ERN1: variants seen among roughly 807,000 people sequenced by gnomAD.
ERN1 encodes endoplasmic reticulum to nucleus signaling 1.
In ERN1, 39 loss-of-function variants were observed where a neutral mutation model predicts 113.1. That is an observed-to-expected ratio of 0.34 (90% CI 0.27 to 0.45). The LOEUF is 0.45. ERN1 is among the 20% of genes least tolerant of loss of function. ERN1 has a pLI of 1.00. For missense variants in ERN1, 976 were observed against 1,274.8 expected, an observed-to-expected ratio of 0.77 and a Z score of 3.57; for synonymous variants, 507 against 515.9, an observed-to-expected ratio of 0.98 and a Z score of 0.23.
intron 11 of ERN1, among the ~76,000 whole-genome samples, chr17:64,058,826 GTTC>G (rs945954377): frequency 2.4e-4 from 37 of 152,014 alleles, no homozygotes; most frequent in African/African-American, 8.7e-4. Context: ...TGCCTAGAAT[GTTC>G]TTCTCTCCCC....
At chr17:64,062,993 G>A (rs754973664) in intron 10 of ERN1, among the ~76,000 whole-genome samples, 111 of 152,212 alleles carry the variant, frequency 7.3e-4, no homozygotes, top group Non-Finnish European at 9.3e-4. Context: ...CACCTACACC[G>A]CACTGCCTGG....
Position 64,039,285 on chromosome 17 carries a change from C to T in ERN1, c.*4703G>A, listed in dbSNP as rs979871653. The stretch of plus-strand genomic sequence containing the variant: ...CATGTCTTCAAGCTTTAAAAATGCA[C>T]ATAAAAGTTGTACAATCTGGCAGTT... On this transcript the variant is annotated 3_prime_UTR_variant, in exon 22 of 22. Coordinates refer to ENST00000433197, the MANE Select transcript of ERN1 (RefSeq NM_001433.5). 1 of 152,104 alleles carries T rather than the reference C, an allele frequency of 6.6e-6. No individual in the cohort carries two copies. Among genetic ancestry groups the T allele is most frequent in the African/African-American group, 2.4e-5 (1 of 41,398 alleles). The allele number at this position is 152,104 out of a possible 1,614,324, so 9.4% of individuals were successfully genotyped here. A position where few individuals can be genotyped will look rare whatever the true frequency, so the allele number is the denominator to read the frequency against.
intron 20 of ERN1, 35 bp downstream of exon 20, chr17:64,045,324 G>A: frequency 6.2e-7 from 1 of 1,612,578 alleles, no homozygotes. Flanking sequence ...AGCGACTTTT[G>A]CAACCTGCCC....
chr17:64,110,037 AG>A (rs1914632738), intron 1 of ERN1, among the ~76,000 whole-genome samples: 1 of 152,148 alleles, frequency 6.6e-6, no homozygotes, highest in African/African-American at 2.4e-5. Context: ...CAAATTATAC[AG>A]GGAGGGGTCT....
At chr17:64,079,589 A>C in intron 4 of ERN1, 73 bp downstream of exon 4, 1 of 1,212,608 alleles carries the variant, frequency 8.2e-7, no homozygotes, top group Non-Finnish European at 1.2e-6. Context: ...ACACAGTAAG[A>C]CACTGTGCAG....
chr17:64,065,106 T>C (rs1913176781), intron 9 of ERN1, 103 bp downstream of exon 9: 2 of 719,484 alleles, frequency 2.8e-6, no homozygotes, highest in Non-Finnish European at 4.5e-6. Context: ...GATTTGTGTT[T>C]TTCATTCTTA....
chr17:64,042,226 C>G lies in ERN1; in HGVS notation c.*1762G>C, dbSNP rs1217584725. ...GGCCACGTTTCTGAACAACGCACAGCCTTGCTTAGAAGACGCCAAGGACAC... is the reference window on the plus strand; with the variant it reads ...GGCCACGTTTCTGAACAACGCACAGGCTTGCTTAGAAGACGCCAAGGACAC... On this transcript the variant is annotated 3_prime_UTR_variant, in exon 22 of 22. Transcript: ENST00000433197. The G allele has an allele frequency of 1.3e-5, 2 of 152,300 alleles. No homozygotes were observed. The highest frequency in any genetic ancestry group is 2.9e-5 in the Non-Finnish European group (2 of 68,108). 9.4% of individuals were successfully genotyped at this position (152,300 alleles called of 1,614,324 possible). A position where few individuals can be genotyped will look rare whatever the true frequency, so the allele number is the denominator to read the frequency against.
intron 2 of ERN1, among the ~76,000 whole-genome samples, chr17:64,092,097 C>A (rs954719634): frequency 6.6e-6 from 1 of 151,874 alleles, no homozygotes; most frequent in Non-Finnish European, 1.5e-5. Flanking sequence ...GGCTAAGGTG[C>A]GGGGGGCATG....
chr17:64,109,715 G>T (rs1914623635), intron 1 of ERN1, among the ~76,000 whole-genome samples: 1 of 152,180 alleles, frequency 6.6e-6, no homozygotes. Context: ...AGAAATCAAG[G>T]CTCAGAGAGG....
At chr17:64,045,189 AACAC>A (rs1429459131) in intron 20 of ERN1, among the ~76,000 whole-genome samples, 166 bp downstream of exon 20, 1 of 152,088 alleles carries the variant, frequency 6.6e-6, no homozygotes, top group Non-Finnish European at 1.5e-5. Context: ...ACAAAAATGA[AACAC>A]ACATCAGTGT....
chr17:64,111,048 C>T (rs376291303), intron 1 of ERN1, among the ~76,000 whole-genome samples: 8 of 152,096 alleles, frequency 5.3e-5, no homozygotes, highest in Admixed American at 2.0e-4. Context: ...AAAGAGGAGG[C>T]CTTTCCAGAC....
At chr17:64,121,299 G>A (rs1914948266) in intron 1 of ERN1, among the ~76,000 whole-genome samples, 1 of 152,186 alleles carries the variant, frequency 6.6e-6, no homozygotes, top group African/African-American at 2.4e-5. Context: ...ATCTTTTCAG[G>A]ACTTCTTGGT....
At chr17:64,053,236 C>A in intron 16 of ERN1, 36 bp downstream of exon 16, 1 of 1,533,832 alleles carries the variant, frequency 6.5e-7, no homozygotes, top group Non-Finnish European at 8.8e-7. Context: ...ATTCTCCCCA[C>A]CCGGGCCGCT....
Position 64,041,362 on chromosome 17 carries a change from A to C in ERN1, c.*2626T>G, listed in dbSNP as rs1431800541. ...CTCAACAGCCTTCCAGGATTGGAGA[A>C]GTCCCATAACCTGAACTACAGACCA... On this transcript the variant is annotated 3_prime_UTR_variant, in exon 22 of 22. Transcript: ENST00000433197. The C allele has an allele frequency of 6.6e-6, 1 of 152,272 alleles. No individual in the cohort carries two copies. Among genetic ancestry groups the C allele is most frequent in the African/African-American group, 2.4e-5 (1 of 41,458 alleles). 9.4% of individuals were successfully genotyped at this position (152,272 alleles called of 1,614,324 possible). A position where few individuals can be genotyped will look rare whatever the true frequency, so the allele number is the denominator to read the frequency against.
chr17:64,099,689 A>G (rs1042445454), intron 1 of ERN1, among the ~76,000 whole-genome samples: 1 of 152,086 alleles, frequency 6.6e-6, no homozygotes, highest in Non-Finnish European at 1.5e-5. Context: ...TACTCTCGGT[A>G]AGAGCCAGGA....
At chr17:64,100,458 G>C (rs1346591188) in intron 1 of ERN1, among the ~76,000 whole-genome samples, 1 of 152,198 alleles carries the variant, frequency 6.6e-6, no homozygotes, top group Admixed American at 6.5e-5. Flanking sequence ...AAGAAAGTGA[G>C]TTAAACTCTG....
intron 12 of ERN1, among the ~76,000 whole-genome samples, chr17:64,057,023 G>C (rs1226524260): frequency 6.6e-6 from 1 of 152,174 alleles, no homozygotes; most frequent in African/African-American, 2.4e-5. Context: ...CCCATGGCCT[G>C]TTCTGCTACA....
intron 1 of ERN1, among the ~76,000 whole-genome samples, chr17:64,121,925 A>G (rs1175191111): frequency 6.6e-6 from 1 of 152,208 alleles, no homozygotes; most frequent in South Asian, 2.1e-4. Flanking sequence ...CAACTGCAAC[A>G]AAGGGTAGAA....
At position 64,063,922 on chromosome 17, in the gene ERN1, G is replaced by A. The variant is rs1287841192; in HGVS notation, c.1087+64C>T. The A allele has an allele frequency of 4.1e-5, 62 of 1,519,404 alleles. No homozygotes were observed. The highest frequency in any genetic ancestry group is 8.2e-5 in the African/African-American group (6 of 73,198). The allele number at this position is 1,519,404 out of a possible 1,614,324, so 94.1% of individuals were successfully genotyped here. On this transcript the variant is annotated intron_variant, in intron 10 of 21. Coordinates refer to ENST00000433197, the MANE Select transcript of ERN1 (RefSeq NM_001433.5). This position sits in a 1 kb window ranked among gnomAD's most constrained non-coding sequence, Gnocchi z 5.1. ...TCAGTACGGTGTAACTACCAGGGCC[G>A]GCGGTCGCCCACCAGGAGGCAGCAC...
Sources: gnomAD v4.1 joint callset for allele counts (sites outside exome capture counted in the v4.1 genomes callset) on GRCh38, gnomAD v4.1.1 for gene constraint, Gnocchi (gnomAD v3.1) non-coding constraint, MANE v1.5 for transcripts, NCBI Gene and HGNC (gene_info 2026-07-23, HGNC 2026-07-21) for gene names.